HOXA10: variants seen among roughly 807,000 people sequenced by gnomAD.
The protein encoded by HOXA10 is homeobox protein Hox-A10.
HOXA10 carries 12 observed loss-of-function variants against 29.7 expected under a neutral mutation model. That is an observed-to-expected ratio of 0.40 (90% CI 0.26 to 0.65). The LOEUF (loss-of-function observed/expected upper bound fraction) is 0.65. Among genes scored for constraint, HOXA10 ranks in the 30% least tolerant of loss-of-function variants. The pLI is 0.37. For synonymous variants in HOXA10, 327 were observed against 280.7 expected, an observed-to-expected ratio of 1.16 and a Z score of -1.65; for missense variants, 656 against 585.9, an observed-to-expected ratio of 1.12 and a Z score of -1.24.
Position 27,171,013 on chromosome 7 carries a change from T to C in HOXA10, c.*886A>G, listed in dbSNP as rs1181475716. The C allele has an allele frequency of 2.2e-6, 1 of 453,414 alleles. No individual in the cohort carries two copies. The highest frequency in any genetic ancestry group is 4.4e-6 in the Non-Finnish European group (1 of 226,590). 28.1% of individuals were successfully genotyped at this position (453,414 alleles called of 1,614,324 possible). On this transcript the variant is annotated 3_prime_UTR_variant, in exon 2 of 2. Coordinates refer to ENST00000283921, the MANE Select transcript of HOXA10 (RefSeq NM_018951.4). ...GATTTAAAAAAACAACTTCACAAGA[T>C]AGGGAGAATTGTGGTGTGCTTGTCA... is the stretch of plus-strand genomic sequence containing the variant.
chr7:27,174,362 G>T (rs1027698163), upstream of HOXA10: 13 of 1,584,992 alleles, frequency 8.2e-6, no homozygotes, highest in East Asian at 2.2e-5. Context: ...CGCGGCGGGC[G>T]CCCGCAGCCA....
chr7:27,175,917 G>A (rs1272374488), upstream of HOXA10, among the ~76,000 whole-genome samples: 1 of 152,252 alleles, frequency 6.6e-6, no homozygotes, highest in East Asian at 1.9e-4. Context: ...GAGCCTGAGA[G>A]GACCCTGAAA....
In HOXA10 at chr7:27,173,332, T is replaced by C. The variant is rs769508823; in HGVS notation, c.958+17A>G. On this transcript the variant is annotated intron_variant, in intron 1 of 1. Transcript: ENST00000283921. ...CTGTCTGCCCGCCTGACTGCAGCCC[T>C]CTGCAGCCCTGCTTACCCAGGGAAT... 3.7e-6 allele frequency: 6 copies of C among 1,611,462 alleles called. No individual in the cohort carries two copies. Among genetic ancestry groups the C allele is most frequent in the South Asian group, 1.1e-5 (1 of 90,938 alleles).
Position 27,171,817 on chromosome 7 carries a change from G to A in HOXA10, c.*82C>T, listed in dbSNP as rs1235208933. 2.1e-6 allele frequency: 3 copies of A among 1,397,910 alleles called. No homozygotes were observed. The African/African-American group carries it at 4.2e-5, about 20-fold the overall frequency. 86.6% of individuals were successfully genotyped at this position (1,397,910 alleles called of 1,614,324 possible). ...GGAGGAACAGGGCTCCAGCACAGGT[G>A]CGAGTTCCTGGGCAGAGCCTGAAGA... On this transcript the variant is annotated 3_prime_UTR_variant, in exon 2 of 2. Coordinates refer to ENST00000283921, the MANE Select transcript of HOXA10 (RefSeq NM_018951.4).
chr7:27,177,895 T>C (rs1318715786), upstream of HOXA10, among the ~76,000 whole-genome samples: 1 of 152,184 alleles, frequency 6.6e-6, no homozygotes, highest in Non-Finnish European at 1.5e-5. Context: ...CCATGTTTTA[T>C]TTAGGAGGAA....
chr7:27,173,282 T>C (rs1373575642), intron 1 of HOXA10, 67 bp downstream of exon 1: 3 of 1,601,094 alleles, frequency 1.9e-6, no homozygotes, highest in Non-Finnish European at 2.6e-6. Context: ...CCTAGTTTTC[T>C]GATCCTTCTC....
upstream of HOXA10, among the ~76,000 whole-genome samples, chr7:27,176,509 C>T (rs1783656825): frequency 6.6e-6 from 1 of 152,244 alleles, no homozygotes; most frequent in African/African-American, 2.4e-5. Flanking sequence ...TTAGCAATGC[C>T]ACCTGGAAAT....
upstream of HOXA10, among the ~76,000 whole-genome samples, chr7:27,176,250 G>A (rs1437413684): frequency 1.3e-5 from 2 of 152,248 alleles, no homozygotes; most frequent in Non-Finnish European, 2.9e-5. Flanking sequence ...TCTTGAAGCT[G>A]CAGCAGCGGC....
Position 27,173,780 on chromosome 7 carries a change from TCCG to T in HOXA10, c.524_526del (p.Ala175del). 1.9e-6 allele frequency: 3 copies of T among 1,610,024 alleles called. No homozygotes were observed. Among genetic ancestry groups the T allele is most frequent in the Non-Finnish European group, 2.5e-6 (3 of 1,178,414 alleles). ...GGTGGCCGAGACTTTGGGGCATTTG[TCCG>T]CCGAGTCGTAGAGGCAGTAGGAGCT... On this transcript the variant is annotated inframe_deletion, in exon 1 of 2. Transcript: ENST00000283921.
rs760879984 is a variant in HOXA10, at chr7:27,173,513, C to A, written c.794G>T (p.Arg265Leu). 8.8e-6 allele frequency: 13 copies of A among 1,469,684 alleles called. No homozygotes were observed. In the South Asian group the frequency reaches 1.2e-4, roughly 14 times the overall value. The allele number at this position is 1,469,684 out of a possible 1,614,324, so 91.0% of individuals were successfully genotyped here. A position where few individuals can be genotyped will look rare whatever the true frequency, so the allele number is the denominator to read the frequency against. The change falls in exon 1 of 2, where the codon CGG becomes CTG. Residue 265 changes from arginine to leucine, a missense_variant. Physicochemically the swap from Arg to Leu is moderately radical, Grantham distance 102 (BLOSUM62 -2). Transcript: ENST00000283921. ...ALASGSADAA[R>L]KERALDSPPP... ...CGGCGAATCGAGGGCTCGCTCCTTCCGGGCCGCATCGGCCGAGCCGGAGGC... is the reference window on the plus strand; with the variant it reads ...CGGCGAATCGAGGGCTCGCTCCTTCAGGGCCGCATCGGCCGAGCCGGAGGC...
chr7:27,178,233 C>T (rs925286807), upstream of HOXA10, among the ~76,000 whole-genome samples: 11 of 151,992 alleles, frequency 7.2e-5, no homozygotes, highest in African/African-American at 2.7e-4. Context: ...ACATATCTGG[C>T]TTTAGCAAAA....
upstream of HOXA10, among the ~76,000 whole-genome samples, chr7:27,177,023 C>T (rs1327502395): frequency 6.6e-6 from 1 of 152,210 alleles, no homozygotes; most frequent in Non-Finnish European, 1.5e-5. Context: ...AGCTGGGTGC[C>T]CTGCAGCAGA....
At chr7:27,176,427 C>G (rs1783655818), upstream of HOXA10, among the ~76,000 whole-genome samples, 1 of 152,256 alleles carries the variant, frequency 6.6e-6, no homozygotes, top group South Asian at 2.1e-4. Context: ...GTGGCCCTAT[C>G]TTTAGCTTCC....
At position 27,170,950 on chromosome 7, in the gene HOXA10, AG is replaced by A. The variant is rs1783460483; in HGVS notation, c.*948del. The A allele has an allele frequency of 2.2e-6, 1 of 444,704 alleles. No homozygotes were observed. The highest frequency in any genetic ancestry group is 2.5e-5 in the Admixed American group (1 of 40,692). 27.5% of individuals were successfully genotyped at this position (444,704 alleles called of 1,614,324 possible). A position where few individuals can be genotyped will look rare whatever the true frequency, so the allele number is the denominator to read the frequency against. Reference sequence around the variant, plus strand: ...TCCTAGGCTTCTGTGAATTTCAGAAAGCAAAAACAAACAAAAAAAAAACTTT... The same window carrying A: ...TCCTAGGCTTCTGTGAATTTCAGAAACAAAAACAAACAAAAAAAAAACTTT... On this transcript the variant is annotated 3_prime_UTR_variant, in exon 2 of 2. Coordinates refer to ENST00000283921, the MANE Select transcript of HOXA10 (RefSeq NM_018951.4).
chr7:27,173,209 G>C, intron 1 of HOXA10, 140 bp downstream of exon 1: 1 of 1,370,266 alleles, frequency 7.3e-7, no homozygotes, highest in South Asian at 1.3e-5. Flanking sequence ...ATATTAAAAA[G>C]CAAGTTCACA....
At chr7:27,179,853 A>G in exon 1 of HOXA10, 1 of 693,568 alleles carries the variant, frequency 1.4e-6, no homozygotes, top group Non-Finnish European at 2.6e-6. Flanking sequence ...AAAGGCCAAG[A>G]ATCATGCTGG....
At chr7:27,174,673 T>C (rs1490954599), upstream of HOXA10, 5 of 294,838 alleles carry the variant, frequency 1.7e-5, no homozygotes, top group Admixed American at 2.0e-4. Flanking sequence ...GTGTTTATGG[T>C]GCGCGCCCAG....
chr7:27,173,481 G>A lies in HOXA10; in HGVS notation c.826C>T (p.Pro276Ser). ...CCGCCGCTGCCGCAAGCCAGCGTGGGGGGCGGCGGCGAATCGAGGGCTCGC... is the reference window on the plus strand; with the variant it reads ...CCGCCGCTGCCGCAAGCCAGCGTGGAGGGCGGCGGCGAATCGAGGGCTCGC... ...KERALDSPPP[P>S]TLACGSGGGS... is the part of the protein sequence containing the mutation. The change falls in exon 1 of 2, where the codon CCC becomes TCC. Residue 276 changes from proline to serine, a missense_variant. Physicochemically the swap from Pro to Ser is moderately conservative, Grantham distance 74 (BLOSUM62 -1). Coordinates refer to ENST00000283921, the MANE Select transcript of HOXA10 (RefSeq NM_018951.4). The A allele has an allele frequency of 6.4e-7, 1 of 1,557,560 alleles. No homozygotes were observed. Among genetic ancestry groups the A allele is most frequent in the Middle Eastern group, 2.1e-4 (1 of 4,734 alleles).
rs778485760 is a variant in HOXA10, at chr7:27,173,958, G to A, written c.349C>T (p.Leu117=). The A allele has an allele frequency of 1.0e-5, 16 of 1,529,898 alleles. No individual in the cohort carries two copies. Among genetic ancestry groups the A allele is most frequent in the Non-Finnish European group, 2.6e-6 (3 of 1,141,590 alleles). 94.8% of individuals were successfully genotyped at this position (1,529,898 alleles called of 1,614,324 possible). ...AHGYGPSPID[L]WLDAPRSCRM... ...CAAGACCGGGGCGCGTCTAGCCACA[G>A]GTCTATGGGCGAGGGCCCGTAGCCG... The change falls in exon 1 of 2, where the codon CTG becomes TTG. Residue 117 remains leucine (L), a synonymous_variant. Coordinates refer to ENST00000283921, the MANE Select transcript of HOXA10 (RefSeq NM_018951.4).
Sources: gnomAD v4.1 joint callset for allele counts (sites outside exome capture counted in the v4.1 genomes callset) on GRCh38, gnomAD v4.1.1 for gene constraint, MANE v1.5 for transcripts, NCBI Gene and HGNC (gene_info 2026-07-23, HGNC 2026-07-21) for gene names.